NCS1: variants seen among roughly 807,000 people sequenced by gnomAD.
NCS1 encodes the protein neuronal calcium sensor 1.
NCS1 carries 6 observed loss-of-function variants against 28.4 expected under a neutral mutation model. The ratio of observed to expected loss-of-function variants is 0.21; its 90% CI spans 0.12 to 0.42. The LOEUF is 0.42. NCS1 is among the 10% of genes least tolerant of loss of function. NCS1 has a pLI of 1.00. For synonymous variants in NCS1, 86 were observed against 99.3 expected (o/e 0.87, Z 0.79); for missense variants, 131 against 241.4 (o/e 0.54, Z 3.03).
Position 130,235,794 on chromosome 9 carries a change from T to A in NCS1, c.*2822T>A, listed in dbSNP as rs2131168755. 6.6e-6 allele frequency: 1 copy of A among 152,612 alleles called. No individual in the cohort carries two copies. Among genetic ancestry groups the A allele is most frequent in the African/African-American group, 2.4e-5 (1 of 41,594 alleles). 9.5% of individuals were successfully genotyped at this position (152,612 alleles called of 1,614,324 possible). ...AGCCAGGTGCCTCCTGAGCAGCCCG[T>A]GCGCCTCTCCACAGCGGCGTTTGCC... On this transcript the variant is annotated 3_prime_UTR_variant, in exon 8 of 8. Transcript: ENST00000372398.
chr9:130,178,994 G>T (rs113030809), intron 1 of NCS1, among the ~76,000 whole-genome samples: 24,535 of 142,926 alleles, frequency 0.17, 2,764 homozygotes, highest in East Asian at 0.59. Flanking sequence ...GAGTACGGTG[G>T]CACGATCTTG....
At chr9:130,211,260 T>C (rs782106124) in intron 2 of NCS1, among the ~76,000 whole-genome samples, 21 of 151,428 alleles carry the variant, frequency 1.4e-4, no homozygotes, top group Non-Finnish European at 2.4e-4. Flanking sequence ...GCCACCCCTT[T>C]CTCCTGCACA....
chr9:130,226,377 C>T lies in NCS1; in HGVS notation c.475-12C>T. On this transcript the variant is annotated splice_polypyrimidine_tract_variant and intron_variant, in intron 6 of 7. Coordinates refer to ENST00000372398, the MANE Select transcript of NCS1 (RefSeq NM_014286.4). This position sits in a 1 kb window ranked among gnomAD's most constrained non-coding sequence, Gnocchi z 4.8. ...AGGCCCTGCACCCTCAGCCGCCTCTCTCTGCTCACAGAATGCCGACGGGAA... is the reference window on the plus strand; with the variant it reads ...AGGCCCTGCACCCTCAGCCGCCTCTTTCTGCTCACAGAATGCCGACGGGAA... The T allele has an allele frequency of 6.2e-7, 1 of 1,612,602 alleles. No individual in the cohort carries two copies. Among genetic ancestry groups the T allele is most frequent in the Non-Finnish European group, 8.5e-7 (1 of 1,178,758 alleles).
Position 130,191,699 on chromosome 9 carries a change from G to A in NCS1, c.65-9259G>A, listed in dbSNP as rs1373279676. On this transcript the variant is annotated intron_variant, in intron 1 of 7. Transcript: ENST00000372398. This position sits in a 1 kb window ranked among gnomAD's most constrained non-coding sequence, Gnocchi z 6.4. ...TCAGGCTGGTGCCGGGCAGACCGCA[G>A]TCAGCACCCGATGGCGACAGTGGCC... is the stretch of plus-strand genomic sequence containing the variant. 6.6e-6 allele frequency among the ~76,000 whole-genome samples: 1 copy of A among 152,254 alleles called. No homozygotes were observed. Among genetic ancestry groups the A allele is most frequent in the Non-Finnish European group, 1.5e-5 (1 of 68,046 alleles).
At chr9:130,224,346 C>G (rs1354483164) in intron 6 of NCS1, among the ~76,000 whole-genome samples, 1 of 144,406 alleles carries the variant, frequency 6.9e-6, no homozygotes, top group African/African-American at 2.6e-5. Context: ...GAGTGGAGAT[C>G]GCGCCATTGC....
In NCS1 at chr9:130,219,679, G is replaced by A. The variant is rs1833247431; in HGVS notation, c.229-46G>A. The A allele has an allele frequency of 6.3e-7, 1 of 1,590,218 alleles. No homozygotes were observed. Among genetic ancestry groups the A allele is most frequent in the Non-Finnish European group, 8.6e-7 (1 of 1,158,494 alleles). The stretch of plus-strand genomic sequence containing the variant: ...GTCCCGAGGTTCAGCCTGACCCGGT[G>A]GCCTGGCCGGCACTGACTGAGGCAA... On this transcript the variant is annotated intron_variant, in intron 3 of 7. Transcript: ENST00000372398. The surrounding 1 kb of genome is among the most constrained non-coding windows in gnomAD (Gnocchi z 5.7).
At chr9:130,190,747 G>C (rs571334261) in intron 1 of NCS1, among the ~76,000 whole-genome samples, 1 of 152,282 alleles carries the variant, frequency 6.6e-6, no homozygotes, top group East Asian at 1.9e-4. Flanking sequence ...CTCTGGAGTC[G>C]ATAAACCTGG....
Position 130,181,801 on chromosome 9 carries a change from G to A in NCS1, c.64+9074G>A, listed in dbSNP as rs117032810. On this transcript the variant is annotated intron_variant, in intron 1 of 7. Coordinates refer to ENST00000372398, the MANE Select transcript of NCS1 (RefSeq NM_014286.4). The surrounding 1 kb of genome is among the most constrained non-coding windows in gnomAD (Gnocchi z 5.0). ...GGCAAGTCCCGATTCACGTGGGCAC[G>A]CTCCGAGCGTGAGTGACGGGGTCAT... Among the ~76,000 whole-genome samples, 6,590 of 152,252 alleles carry A rather than the reference G, an allele frequency of 0.043. 185 individuals carry two copies. The highest frequency in any genetic ancestry group is 0.074 in the Admixed American group (1,129 of 15,306).
intron 2 of NCS1, among the ~76,000 whole-genome samples, chr9:130,201,698 C>T (rs1288875275): frequency 6.6e-6 from 1 of 152,072 alleles, no homozygotes; most frequent in Admixed American, 6.5e-5. Context: ...CAGGGCCGGG[C>T]ACCCCCCAGG....
chr9:130,186,828 GCTGATGGCGGGAGGGCC>G lies in NCS1; in HGVS notation c.64+14110_65-14105del, dbSNP rs1265435477. Among the ~76,000 whole-genome samples, 7 of 152,322 alleles carry G rather than the reference GCTGATGGCGGGAGGGCC, an allele frequency of 4.6e-5. No individual in the cohort carries two copies. The highest frequency in any genetic ancestry group is 1.4e-4 in the African/African-American group (6 of 41,572). On this transcript the variant is annotated intron_variant, in intron 1 of 7. Coordinates refer to ENST00000372398, the MANE Select transcript of NCS1 (RefSeq NM_014286.4). This position sits in a 1 kb window ranked among gnomAD's most constrained non-coding sequence, Gnocchi z 4.1. ...ATAGAGGGCCTGTGGCCGTGAGGGTGCTGATGGCGGGAGGGCCCTGATGGCAGGAGGGCCCGTGCTGT... is the reference window on the plus strand; with the variant it reads ...ATAGAGGGCCTGTGGCCGTGAGGGTGCTGATGGCAGGAGGGCCCGTGCTGT...
intron 1 of NCS1, among the ~76,000 whole-genome samples, chr9:130,178,920 C>G (rs1349948820): frequency 1.1e-5 from 1 of 87,806 alleles, no homozygotes; most frequent in African/African-American, 4.4e-5. Flanking sequence ...CCTTCCCTCC[C>G]CTTCCCTCCC....
At chr9:130,178,504 C>A (rs557690599) in intron 1 of NCS1, among the ~76,000 whole-genome samples, 2 of 152,328 alleles carry the variant, frequency 1.3e-5, no homozygotes, top group South Asian at 4.1e-4. Context: ...CAAGGCCTGT[C>A]TTAAACCCCT....
chr9:130,217,992 C>G (rs1554909626), intron 3 of NCS1, 22 bp downstream of exon 3: 3 of 1,613,774 alleles, frequency 1.9e-6, no homozygotes, highest in Non-Finnish European at 1.7e-6. Flanking sequence ...ATTGATGGGG[C>G]CTGCGGCAGC....
At chr9:130,178,837 C>T (rs1167391846) in intron 1 of NCS1, among the ~76,000 whole-genome samples, 2 of 2,808 alleles carry the variant, frequency 7.1e-4, no homozygotes, top group African/African-American at 2.2e-3. Context: ...CTTGGTTTCC[C>T]TCCCCTCCCC....
At chr9:130,224,651 A>G (rs868973007) in intron 6 of NCS1, among the ~76,000 whole-genome samples, 2 of 152,082 alleles carry the variant, frequency 1.3e-5, no homozygotes, top group South Asian at 2.1e-4. Flanking sequence ...CCCACCTATT[A>G]TCAGGTACTA....
chr9:130,208,138 C>T (rs983596711), intron 2 of NCS1, among the ~76,000 whole-genome samples: 1 of 143,552 alleles, frequency 7.0e-6, no homozygotes, highest in South Asian at 2.2e-4. Flanking sequence ...ACACCGTCAT[C>T]GGGCACCAGT....
At chr9:130,184,503 G>C (rs1479952829) in intron 1 of NCS1, among the ~76,000 whole-genome samples, 6 of 152,168 alleles carry the variant, frequency 3.9e-5, no homozygotes, top group African/African-American at 1.4e-4. Flanking sequence ...CCCTCCTGAT[G>C]CATCCCCGCG....
chr9:130,218,457 CACAT>C (rs1452583179), intron 3 of NCS1, among the ~76,000 whole-genome samples: 1 of 152,238 alleles, frequency 6.6e-6, no homozygotes, highest in Admixed American at 6.5e-5. Flanking sequence ...GTGCACAACA[CACAT>C]GCATGTATAC....
chr9:130,221,043 A>T (rs1200743454), intron 4 of NCS1, among the ~76,000 whole-genome samples: 1 of 151,960 alleles, frequency 6.6e-6, no homozygotes, highest in Admixed American at 6.6e-5. Context: ...ATTTATTTAT[A>T]GACAGAGTCT....
Sources: gnomAD v4.1 joint callset for allele counts (sites outside exome capture counted in the v4.1 genomes callset) on GRCh38, gnomAD v4.1.1 for gene constraint, Gnocchi (gnomAD v3.1) non-coding constraint, MANE v1.5 for transcripts, NCBI Gene and HGNC (gene_info 2026-07-23, HGNC 2026-07-21) for gene names.